ZFHX4: variants seen among roughly 807,000 people sequenced by gnomAD.
ZFHX4 encodes the protein zinc finger homeobox 4, also known as zinc finger homeobox protein 4.
A neutral mutation model predicts 267.6 loss-of-function variants in ZFHX4; 56 were observed. The ratio of observed to expected loss-of-function variants is 0.21; its 90% CI spans 0.17 to 0.26. ZFHX4 has a LOEUF of 0.26. ZFHX4 is among the 10% of genes least tolerant of loss of function. ZFHX4 has a pLI of 1.00. For missense variants in ZFHX4, 4,332 were observed against 4,420.0 expected (o/e 0.98, Z 0.56); for synonymous variants, 1,778 against 1,665.6 (o/e 1.07, Z -1.64).
chr8:76,724,429 A>G (rs576534890), intron 3 of ZFHX4, among the ~76,000 whole-genome samples: 82 of 152,160 alleles, frequency 5.4e-4, no homozygotes, highest in African/African-American at 1.8e-3. Flanking sequence ...CAAGTAAGTC[A>G]TTGATGGTAT....
At chr8:76,723,657 C>A (rs1319313174) in intron 3 of ZFHX4, among the ~76,000 whole-genome samples, 1 of 151,472 alleles carries the variant, frequency 6.6e-6, no homozygotes, top group African/African-American at 2.4e-5. Flanking sequence ...TGGTGTCAAG[C>A]AGGATGGACA....
At chr8:76,685,615 A>G (rs887796644) in intron 1 of ZFHX4, among the ~76,000 whole-genome samples, 16 of 152,214 alleles carry the variant, frequency 1.1e-4, no homozygotes, top group Non-Finnish European at 1.3e-4. Context: ...CTATTGATTT[A>G]TTTCAAAATC....
chr8:76,742,879 G>A lies in ZFHX4; in HGVS notation c.3093+34831G>A, dbSNP rs79864060. On this transcript the variant is annotated intron_variant, in intron 3 of 10. Transcript: ENST00000651372. The stretch of plus-strand genomic sequence containing the variant: ...GCCTGACCTCCCGAGGTGTATTATC[G>A]CCTGACATCTTACAAGCCACTTTTT... 2.0e-3 allele frequency among the ~76,000 whole-genome samples: 311 copies of A among 152,102 alleles called. 5 individuals carry two copies. In the East Asian group the frequency reaches 0.037, roughly 18 times the overall value.
chr8:76,707,325 A>T (rs1258479072), intron 2 of ZFHX4, among the ~76,000 whole-genome samples: 1 of 152,206 alleles, frequency 6.6e-6, no homozygotes, highest in Non-Finnish European at 1.5e-5. Flanking sequence ...AAATTTCAGA[A>T]TGACATCATG....
At chr8:76,759,067 A>G (rs190457806) in intron 3 of ZFHX4, among the ~76,000 whole-genome samples, 110 of 152,372 alleles carry the variant, frequency 7.2e-4, no homozygotes, top group African/African-American at 2.5e-3. Flanking sequence ...CTTTACATAC[A>G]TATTTACATT....
At chr8:76,732,418 G>A (rs921869240) in intron 3 of ZFHX4, among the ~76,000 whole-genome samples, 4 of 151,602 alleles carry the variant, frequency 2.6e-5, no homozygotes, top group East Asian at 1.9e-4. Flanking sequence ...ATTAATATTC[G>A]CAGTATTCTA....
At chr8:76,815,486 C>T (rs1407515739) in intron 4 of ZFHX4, among the ~76,000 whole-genome samples, 1 of 151,954 alleles carries the variant, frequency 6.6e-6, no homozygotes, top group African/African-American at 2.4e-5. Context: ...TATCACTCTG[C>T]ATTTTATTTT....
Position 76,853,219 on chromosome 8 carries a change from C to T in ZFHX4, c.6298C>T (p.Pro2100Ser). The T allele has an allele frequency of 6.4e-7, 1 of 1,567,736 alleles. No homozygotes were observed. The highest frequency in any genetic ancestry group is 8.7e-7 in the Non-Finnish European group (1 of 1,155,988). Residue 2100 changes from proline (P) to serine (S), a missense_variant, in exon 10 of 11, where the codon CCA becomes TCA. By Grantham distance (74) the Pro-to-Ser change is moderately conservative. Around this residue, in one of 7 missense-constraint regions of ZFHX4, gnomAD observed 1,371 missense variants for 1,423.1 expected, o/e 0.96. Transcript: ENST00000651372. ...ALPPQLALQL[P>S]QMDALSADLT... ...TCCTCCCCAGCTTGCCCTGCAGCTG[C>T]CACAGATGGACGCACTCTCTGCAGA...
intron 3 of ZFHX4, among the ~76,000 whole-genome samples, chr8:76,753,142 A>C (rs1052113971): frequency 2.6e-5 from 4 of 152,194 alleles, no homozygotes; most frequent in African/African-American, 4.8e-5. Flanking sequence ...ATAAGTCAAC[A>C]ACATAGAATA....
intron 4 of ZFHX4, among the ~76,000 whole-genome samples, chr8:76,828,397 C>T (rs1349074915): frequency 2.6e-5 from 4 of 152,146 alleles, no homozygotes; most frequent in African/African-American, 9.7e-5. Flanking sequence ...TCATTCAAAT[C>T]TCACTTCTGC....
intron 4 of ZFHX4, among the ~76,000 whole-genome samples, chr8:76,807,906 T>C (rs1030544012): frequency 1.3e-5 from 2 of 152,148 alleles, no homozygotes; most frequent in African/African-American, 4.8e-5. Flanking sequence ...TATAATAGTT[T>C]AATTTTCTGT....
intron 9 of ZFHX4, 34 bp downstream of exon 9, chr8:76,850,396 T>A (rs1455948002): frequency 6.5e-7 from 1 of 1,529,230 alleles, no homozygotes; most frequent in Non-Finnish European, 9.0e-7. Flanking sequence ...TTGTGAACAA[T>A]ACGCTTAGGG....
At chr8:76,733,220 C>T (rs901291372) in intron 3 of ZFHX4, 6 of 152,132 alleles carry the variant, frequency 3.9e-5, no homozygotes, top group Admixed American at 2.6e-4. Context: ...AGATAGAGGA[C>T]CAGTCCATTT....
rs141149505 is a variant in ZFHX4 at position 76,733,857 on chromosome 8, T to C, written c.3093+25809T>C. Among the ~76,000 whole-genome samples, 425 of 152,272 alleles carry C rather than the reference T, an allele frequency of 2.8e-3. 2 individuals carry two copies. The highest frequency in any genetic ancestry group is 9.7e-3 in the African/African-American group (403 of 41,548). ...TTTAATGTTTTATGCCGATGCCAGA[T>C]GATGTATCCAGCTAACCACTTTAAA... On this transcript the variant is annotated intron_variant, in intron 3 of 10. Transcript: ENST00000651372.
chr8:76,835,201 G>A (rs1342031888), intron 5 of ZFHX4, among the ~76,000 whole-genome samples: 1 of 59,814 alleles, frequency 1.7e-5, no homozygotes, highest in Non-Finnish European at 3.0e-5. Context: ...TAATCCTTTT[G>A]CTTTGGTGTA....
intron 3 of ZFHX4, among the ~76,000 whole-genome samples, chr8:76,724,486 A>G (rs1808803391): frequency 6.6e-6 from 1 of 152,066 alleles, no homozygotes; most frequent in South Asian, 2.1e-4. Flanking sequence ...AGAGTCTGAC[A>G]TGTTTTGATA....
Position 76,707,529 on chromosome 8 carries a change from A to T in ZFHX4, c.2591-17A>T, listed in dbSNP as rs1563474830. The T allele has an allele frequency of 6.0e-6, 9 of 1,488,050 alleles. No homozygotes were observed. The highest frequency in any genetic ancestry group is 2.5e-5 in the Admixed American group (1 of 40,336). 92.2% of individuals were successfully genotyped at this position (1,488,050 alleles called of 1,614,324 possible). Reference sequence around the variant, plus strand: ...TTTCTAGTCTCTATTTTTCCTTTTAATTTTTTTTTCCTGTAGTAAATAATG... The same window carrying T: ...TTTCTAGTCTCTATTTTTCCTTTTATTTTTTTTTTCCTGTAGTAAATAATG... On this transcript the variant is annotated splice_polypyrimidine_tract_variant and intron_variant, in intron 2 of 10. Transcript: ENST00000651372.
intron 4 of ZFHX4, among the ~76,000 whole-genome samples, chr8:76,818,583 C>A (rs1811565021): frequency 6.6e-6 from 1 of 151,890 alleles, no homozygotes; most frequent in Admixed American, 6.6e-5. Flanking sequence ...GAGGCTGGCA[C>A]TGAGGTAGGG....
intron 4 of ZFHX4, among the ~76,000 whole-genome samples, chr8:76,805,315 G>A (rs183173690): frequency 2.6e-5 from 4 of 152,082 alleles, no homozygotes; most frequent in Admixed American, 6.6e-5. Flanking sequence ...ACTCACTTTA[G>A]CTGTAATATT....
Sources: allele counts gnomAD v4.1 joint callset (sites outside exome capture counted in the v4.1 genomes callset), GRCh38; gene constraint gnomAD v4.1.1; regional missense constraint gnomAD v4.1.1; transcripts MANE v1.5; gene names NCBI Gene and HGNC (gene_info 2026-07-23, HGNC 2026-07-21).